Variants in ETFA observed in about 807,000 individuals in gnomAD.
The protein encoded by ETFA is electron transfer flavoprotein subunit alpha, mitochondrial.
In ETFA, 22 loss-of-function variants were observed where a neutral mutation model predicts 46.2. The ratio of observed to expected loss-of-function variants is 0.48; its 90% CI spans 0.34 to 0.68. The LOEUF (loss-of-function observed/expected upper bound fraction) is 0.68. Ranked by LOEUF, ETFA falls within the 30% of genes least tolerant of loss-of-function variation. The pLI, the probability that ETFA is intolerant of heterozygous loss-of-function variation, is 0.01. For synonymous variants in ETFA, 131 were observed against 139.9 expected (o/e 0.94, Z 0.45); for missense variants, 345 against 401.1 (o/e 0.86, Z 1.19).
chr15:76,251,709 T>C (rs2039300169), intron 9 of ETFA, among the ~76,000 whole-genome samples: 1 of 152,208 alleles, frequency 6.6e-6, no homozygotes, highest in Non-Finnish European at 1.5e-5. Context: ...TTTCCCATAT[T>C]ATACATGGGG....
intron 1 of ETFA, among the ~76,000 whole-genome samples, 199 bp from the exon 2 acceptor site, chr15:76,295,936 C>CCTTTTTTTTTTTTTTTTTTTTT (rs2039816100): frequency 1.5e-4 from 7 of 46,602 alleles, no homozygotes; most frequent in African/African-American, 4.7e-4. Context: ...CACTAATATT[C>CCTTTTTTTTTTTTTTTTTTTTT]TTTTTTTTTT....
chr15:76,297,589 T>C (rs551168984), intron 1 of ETFA, among the ~76,000 whole-genome samples: 5 of 152,184 alleles, frequency 3.3e-5, no homozygotes, highest in African/African-American at 1.2e-4. Flanking sequence ...ATACTTGCTG[T>C]AAATTATAGT....
intron 1 of ETFA, among the ~76,000 whole-genome samples, chr15:76,296,008 C>T (rs1233639708): frequency 3.1e-5 from 4 of 127,398 alleles, no homozygotes; most frequent in Admixed American, 3.0e-4. Context: ...GTGGCGCGTG[C>T]GACCATGGCT....
intron 9 of ETFA, among the ~76,000 whole-genome samples, chr15:76,251,933 G>T (rs1481878068): frequency 6.6e-6 from 1 of 152,168 alleles, no homozygotes; most frequent in African/African-American, 2.4e-5. Context: ...TATTGTTGAG[G>T]ATGTCAATCA....
At position 76,287,860 on chromosome 15, in the gene ETFA, C is replaced by G; in HGVS notation, c.437G>C (p.Arg146Thr). 2 of 1,610,558 alleles carry G rather than the reference C, an allele frequency of 1.2e-6. No individual in the cohort carries two copies. The highest frequency in any genetic ancestry group is 1.7e-6 in the Non-Finnish European group (2 of 1,176,838). Residue 146 changes from arginine (R) to threonine (T), a missense_variant, in exon 5 of 12, where the codon AGA becomes ACA. Transcript: ENST00000557943. ...TGAGTACTCACCTGCATAAATAGTT[C>G]TCACAAATGTGTCAGGTGACTTGAT... ...IAIKSPDTFV[R>T]TIYAGNALCT...
chr15:76,231,160 T>C (rs1049833339), intron 10 of ETFA, 173 bp downstream of exon 10: 4 of 611,282 alleles, frequency 6.5e-6, no homozygotes, highest in Non-Finnish European at 1.2e-5. Context: ...ACTGCCTCTG[T>C]GACCAATAAT....
At chr15:76,251,635 A>C (rs1323031779) in intron 9 of ETFA, among the ~76,000 whole-genome samples, 1 of 152,160 alleles carries the variant, frequency 6.6e-6, no homozygotes, top group Non-Finnish European at 1.5e-5. Flanking sequence ...TCTCAGGAAA[A>C]TGAGAAAGGG....
chr15:76,247,468 G>A (rs1357578540), intron 9 of ETFA, among the ~76,000 whole-genome samples: 1 of 152,096 alleles, frequency 6.6e-6, no homozygotes, highest in Non-Finnish European at 1.5e-5. Flanking sequence ...CACTTCTTAG[G>A]ATCCAATAGT....
intron 9 of ETFA, among the ~76,000 whole-genome samples, chr15:76,252,897 CTTTTTT>C (rs11303378): frequency 1.5e-5 from 2 of 129,944 alleles, no homozygotes; most frequent in Non-Finnish European, 3.2e-5. Context: ...ACACAGAGTA[CTTTTTT>C]TTTTTTTTTT....
intron 8 of ETFA, among the ~76,000 whole-genome samples, chr15:76,276,802 G>A (rs187589779): frequency 6.6e-6 from 1 of 152,114 alleles, no homozygotes; most frequent in East Asian, 1.9e-4. Context: ...TAGCATTTCT[G>A]TTTCTTTCGT....
At chr15:76,263,545 G>A (rs1227835560) in intron 9 of ETFA, among the ~76,000 whole-genome samples, 1 of 152,240 alleles carries the variant, frequency 6.6e-6, no homozygotes, top group Non-Finnish European at 1.5e-5. Flanking sequence ...GGGAGTGAAA[G>A]TTAGTACTCA....
Position 76,288,920 on chromosome 15 carries a change from C to CTT in ETFA, c.352-977_352-976dup, listed in dbSNP as rs35295593. Among the ~76,000 whole-genome samples the CTT allele has an allele frequency of 6.6e-3, 727 of 110,080 alleles. 18 individuals carry two copies. Among genetic ancestry groups the CTT allele is most frequent in the African/African-American group, 0.016 (476 of 29,818 alleles). 72.2% of individuals were successfully genotyped at this position (110,080 alleles called of 152,430 possible). A position where few individuals can be genotyped will look rare whatever the true frequency, so the allele number is the denominator to read the frequency against. On this transcript the variant is annotated intron_variant, in intron 4 of 11. Transcript: ENST00000557943. ...TCAGTTAATTCTTCTTCTTCTTCTT[C>CTT]TTTTTTTTTTTTTTTGGAAACAGGG...
At chr15:76,295,782 CAG>C in intron 1 of ETFA, 45 bp from the exon 2 acceptor site, 1 of 1,391,038 alleles carries the variant, frequency 7.2e-7, no homozygotes, top group Non-Finnish European at 9.7e-7. Flanking sequence ...AATGTTGTCA[CAG>C]GGTTTTTTTT....
intron 1 of ETFA, among the ~76,000 whole-genome samples, chr15:76,296,330 T>C (rs1408552646): frequency 2.0e-5 from 3 of 152,176 alleles, no homozygotes; most frequent in Non-Finnish European, 2.9e-5. Context: ...TCAAAACAAC[T>C]TTCCCACTAA....
rs181292071 is a variant in ETFA, at chr15:76,224,970, G to A, written c.963+879C>T. The stretch of plus-strand genomic sequence containing the variant: ...AGGTCAAATATGGAGGTGACGGCAA[G>A]AGAGAAGGAACACTCAAAAGTGAAG... On this transcript the variant is annotated intron_variant, in intron 11 of 11. Transcript: ENST00000557943. Among the ~76,000 whole-genome samples the A allele has an allele frequency of 1.6e-4, 25 of 152,272 alleles. 1 individual carries two copies. In the Middle Eastern group the frequency reaches 0.02, roughly 124 times the overall value.
intron 1 of ETFA, among the ~76,000 whole-genome samples, chr15:76,308,849 T>C (rs1281988232): frequency 6.6e-6 from 1 of 152,194 alleles, no homozygotes; most frequent in African/African-American, 2.4e-5. Context: ...ATCACTCAAT[T>C]ATTTAGGAGT....
intron 9 of ETFA, among the ~76,000 whole-genome samples, chr15:76,273,813 A>G (rs1340264803): frequency 6.6e-6 from 1 of 152,218 alleles, no homozygotes; most frequent in Non-Finnish European, 1.5e-5. Context: ...TAAGAAATAT[A>G]AACAGTCATT....
rs1165650090 is a variant in ETFA at position 76,311,363 on chromosome 15, T to C, written c.26A>G (p.Gln9Arg). The change falls in exon 1 of 12, where the codon CAG becomes CGG. Residue 9 changes from glutamine to arginine, a missense_variant. By Grantham distance (43) the Gln-to-Arg change is conservative. Transcript: ENST00000557943. The part of the protein sequence containing the change: MFRAAAPG[Q>R]LRRAASLLRF... ...GTCCGGACTCACCGCCCGCCGGAGC[T>C]GCCCCGGAGCCGCCGCTCGGAACAT... 6 of 1,560,300 alleles carry C rather than the reference T, an allele frequency of 3.8e-6. No homozygotes were observed. The highest frequency in any genetic ancestry group is 4.3e-6 in the Non-Finnish European group (5 of 1,152,962).
At chr15:76,261,709 A>C in intron 9 of ETFA, 10 of 265,986 alleles carry the variant, frequency 3.8e-5, no homozygotes, top group East Asian at 8.6e-5. Flanking sequence ...ATGCCATACC[A>C]TGCCAGGCCC....
Sources: gnomAD v4.1 joint callset for allele counts (sites outside exome capture counted in the v4.1 genomes callset) on GRCh38, gnomAD v4.1.1 for gene constraint, MANE v1.5 for transcripts, NCBI Gene and HGNC (gene_info 2026-07-23, HGNC 2026-07-21) for gene names.